The following ANXA8 variants were observed in gnomAD, a reference collection of about 807,000 sequenced individuals.
The protein encoded by ANXA8 is VAC-beta.
Under a neutral mutation model 26.8 loss-of-function variants are expected in ANXA8, and 9 were observed. The observed-to-expected ratio is 0.34, with a 90% confidence interval of 0.20 to 0.59. The LOEUF (loss-of-function observed/expected upper bound fraction) is 0.59, where lower values mean the gene tolerates loss of function less well. Among genes scored for constraint, ANXA8 ranks in the 20% least tolerant of loss-of-function variants. The probability of loss-of-function intolerance (pLI) is 0.84; values close to 1 mark genes in which losing one functional copy is unlikely to be tolerated. For synonymous variants in ANXA8, 39 were observed against 94.8 expected, an observed-to-expected ratio of 0.41 and a Z score of 3.42; for missense variants, 83 against 238.5, an observed-to-expected ratio of 0.35 and a Z score of 4.29.
chr10:47,554,183 TCC>T, the ANXA8 span, among the ~76,000 whole-genome samples: 1 of 16,492 alleles, frequency 6.1e-5, no homozygotes, highest in Non-Finnish European at 9.1e-5. Flanking sequence ...GCGCCTGTGG[TCC>T]CTGTGGTCCC....
At chr10:47,654,088 C>T in the ANXA8 span, among the ~76,000 whole-genome samples, 29 of 151,930 alleles carry the variant, frequency 1.9e-4, no homozygotes, top group South Asian at 5.2e-3. Flanking sequence ...TTGAGAATGC[C>T]CTGAAAGCTT....
chr10:47,496,006 G>GTTC, the ANXA8 span, among the ~76,000 whole-genome samples: 3 of 151,556 alleles, frequency 2.0e-5, no homozygotes, highest in African/African-American at 7.3e-5. Flanking sequence ...GGAACACTTG[G>GTTC]GAAGGCAGGG....
At chr10:47,659,848 C>A in the ANXA8 span, among the ~76,000 whole-genome samples, 4 of 151,650 alleles carry the variant, frequency 2.6e-5, no homozygotes, top group East Asian at 7.7e-4. Flanking sequence ...CCTCCGCCTC[C>A]CAGGCTCAGG....
At chr10:47,575,198 C>CAAA in the ANXA8 span, among the ~76,000 whole-genome samples, 5 of 107,286 alleles carry the variant, frequency 4.7e-5, no homozygotes, top group East Asian at 3.1e-4. Flanking sequence ...GAGTGAAACT[C>CAAA]AAAAAAAAAA....
the ANXA8 span, among the ~76,000 whole-genome samples, chr10:47,699,330 C>A: frequency 9.1e-6 from 1 of 110,390 alleles, no homozygotes. Flanking sequence ...AGGGACAGAG[C>A]GAGATTCTGT....
At chr10:47,969,710 T>G in the ANXA8 span, among the ~76,000 whole-genome samples, 5 of 148,944 alleles carry the variant, frequency 3.4e-5, no homozygotes, top group African/African-American at 9.8e-5. Context: ...CACCCTCTTG[T>G]GAATCTTCTT....
At chr10:47,690,808 C>A in the ANXA8 span, 28 of 1,610,888 alleles carry the variant, frequency 1.7e-5, 1 homozygote, top group Non-Finnish European at 2.1e-5. Context: ...GTGTTCCCAA[C>A]TAAATACCTT....
chr10:47,945,052 AGT>A, the ANXA8 span, among the ~76,000 whole-genome samples: 1 of 150,296 alleles, frequency 6.7e-6, no homozygotes, highest in African/African-American at 2.5e-5. Context: ...GCTAGCCTGG[AGT>A]GGAGAGCTTC....
chr10:47,638,939 C>T, the ANXA8 span, among the ~76,000 whole-genome samples: 2 of 146,294 alleles, frequency 1.4e-5, no homozygotes, highest in African/African-American at 5.4e-5. Context: ...TTTTAAAGGA[C>T]GAGGCTTTTA....
chr10:47,957,180 G>A, the ANXA8 span, among the ~76,000 whole-genome samples: 5 of 150,188 alleles, frequency 3.3e-5, no homozygotes, highest in East Asian at 8.2e-4. Context: ...TCTGTGCTCC[G>A]ATTCTGACAT....
the ANXA8 span, among the ~76,000 whole-genome samples, chr10:47,672,163 A>C: frequency 6.7e-6 from 1 of 150,302 alleles, no homozygotes; most frequent in African/African-American, 2.5e-5. Context: ...TCATTTTCAA[A>C]AAAAGATGAG....
the ANXA8 span, among the ~76,000 whole-genome samples, chr10:47,653,994 A>G: frequency 6.6e-6 from 1 of 151,048 alleles, no homozygotes; most frequent in Non-Finnish European, 1.5e-5. Flanking sequence ...CTAGGGATAG[A>G]GTATGGGAAA....
the ANXA8 span, among the ~76,000 whole-genome samples, chr10:47,688,620 C>T: frequency 6.6e-5 from 10 of 151,048 alleles, no homozygotes; most frequent in African/African-American, 2.4e-4. Context: ...TGGGGTTTTG[C>T]CATCTTGGCC....
At chr10:47,502,571 C>A in the ANXA8 span, 1 of 1,610,438 alleles carries the variant, frequency 6.2e-7, no homozygotes, top group Non-Finnish European at 8.5e-7. Flanking sequence ...TCATCCAGCT[C>A]CAGAGATCGC....
At chr10:47,757,436 A>G in the ANXA8 span, 2 of 741,100 alleles carry the variant, frequency 2.7e-6, no homozygotes, top group East Asian at 1.7e-4. Context: ...CCCATGCGAC[A>G]CACCCGCATG....
chr10:47,749,344 T>G, the ANXA8 span, among the ~76,000 whole-genome samples: 1 of 150,482 alleles, frequency 6.6e-6, no homozygotes, highest in East Asian at 2.0e-4. Context: ...AAAACTGATC[T>G]ATGATAGAAT....
chr10:47,712,999 G>T, the ANXA8 span, among the ~76,000 whole-genome samples: 2 of 152,280 alleles, frequency 1.3e-5, no homozygotes, highest in Non-Finnish European at 2.9e-5. Flanking sequence ...TCACCATGTT[G>T]GCCAGGCTGG....
At chr10:47,894,622 A>G in the ANXA8 span, among the ~76,000 whole-genome samples, 2 of 100,684 alleles carry the variant, frequency 2.0e-5, no homozygotes, top group Non-Finnish European at 4.7e-5. Flanking sequence ...CACACTACAC[A>G]CACCACACAC....
At chr10:47,565,011 C>T in the ANXA8 span, 8 of 890,918 alleles carry the variant, frequency 9.0e-6, no homozygotes, top group East Asian at 4.8e-5. Flanking sequence ...GCCGGCATCT[C>T]CTGCTGTGCC....
Sources: allele counts gnomAD v4.1 joint callset (sites outside exome capture counted in the v4.1 genomes callset), GRCh38; gene constraint gnomAD v4.1.1; transcripts MANE v1.5; gene names NCBI Gene and HGNC (gene_info 2026-07-23, HGNC 2026-07-21).